The following ST18 variants were observed in gnomAD, a reference collection of about 807,000 sequenced individuals.
The protein encoded by ST18 is ST18 C2H2C-type zinc finger transcription factor.
ST18 carries 50 observed loss-of-function variants against 110.0 expected under a neutral mutation model. The observed-to-expected ratio is 0.45, with a 90% CI of 0.36 to 0.58. The LOEUF is 0.58. Ranked by LOEUF, ST18 falls within the 20% of genes least tolerant of loss-of-function variation. The probability of loss-of-function intolerance (pLI) is 0.00; values close to 1 mark genes in which losing one functional copy is unlikely to be tolerated. For synonymous variants in ST18, 461 were observed against 452.4 expected (o/e 1.02, Z -0.24); for missense variants, 1,306 against 1,280.1 (o/e 1.02, Z -0.31).
intron 24 of ST18, among the ~76,000 whole-genome samples, chr8:52,116,653 C>T (rs1045058123): frequency 6.6e-6 from 1 of 152,346 alleles, no homozygotes. Context: ...AACTTCTCCA[C>T]ATGGCTGTAT....
chr8:52,364,052 G>T (rs1826846463), intron 2 of ST18, among the ~76,000 whole-genome samples: 1 of 152,054 alleles, frequency 6.6e-6, no homozygotes, highest in Admixed American at 6.6e-5. Flanking sequence ...CAGTTCTAGG[G>T]GTACTTTCCT....
chr8:52,181,976 CTG>C, intron 8 of ST18, among the ~76,000 whole-genome samples: 1 of 152,042 alleles, frequency 6.6e-6, no homozygotes, highest in East Asian at 1.9e-4. Context: ...AGTATAATAA[CTG>C]TGTCAGTGTA....
chr8:52,406,868 A>G (rs1243194239), intron 2 of ST18: 5 of 152,226 alleles, frequency 3.3e-5, no homozygotes, highest in African/African-American at 1.2e-4. Flanking sequence ...AAAGATCTGA[A>G]GTTAACAGGA....
intron 2 of ST18, among the ~76,000 whole-genome samples, chr8:52,253,547 T>C (rs2094417870): frequency 2.6e-5 from 4 of 152,140 alleles, no homozygotes; most frequent in Admixed American, 6.6e-5. Flanking sequence ...TCAATTTAAA[T>C]TTCCTGGGGA....
intron 2 of ST18, among the ~76,000 whole-genome samples, chr8:52,336,335 G>C (rs369277090): frequency 2.6e-5 from 4 of 152,088 alleles, no homozygotes; most frequent in African/African-American, 9.7e-5. Context: ...ATTTGCAGTA[G>C]AGATGGGGTT....
At chr8:52,213,145 T>A (rs1039444680) in intron 7 of ST18, among the ~76,000 whole-genome samples, 1 of 152,292 alleles carries the variant, frequency 6.6e-6, no homozygotes, top group African/African-American at 2.4e-5. Context: ...TAATACAGTA[T>A]AAAATTTCTG....
Position 52,166,998 on chromosome 8 carries a change from T to C in ST18, c.1070-12A>G. 17 of 1,597,044 alleles carry C rather than the reference T, an allele frequency of 1.1e-5. No individual in the cohort carries two copies. The highest frequency in any genetic ancestry group is 1.5e-5 in the Non-Finnish European group (17 of 1,168,262). ...AGGCCTTGGTGAATCTATGGAGAAA[T>C]TCAATTGAGAAATGCATTTGGTTAT... On this transcript the variant is annotated splice_polypyrimidine_tract_variant and intron_variant, in intron 10 of 25. Transcript: ENST00000689386.
At chr8:52,261,257 T>C (rs1381099366) in intron 2 of ST18, among the ~76,000 whole-genome samples, 1 of 152,158 alleles carries the variant, frequency 6.6e-6, no homozygotes, top group African/African-American at 2.4e-5. Flanking sequence ...TGAACAGACA[T>C]CATGACCAGG....
intron 16 of ST18, among the ~76,000 whole-genome samples, chr8:52,146,696 A>T (rs1276495818): frequency 6.6e-6 from 1 of 152,172 alleles, no homozygotes; most frequent in Non-Finnish European, 1.5e-5. Flanking sequence ...CATTTAATAC[A>T]ATCTAATTTT....
intron 9 of ST18, among the ~76,000 whole-genome samples, chr8:52,178,636 AAAAAAAACCACC>A (rs1385162210): frequency 3.0e-5 from 4 of 132,382 alleles, no homozygotes; most frequent in African/African-American, 1.3e-4. Flanking sequence ...AAAAAAAAAA[AAAAAAAACCACC>A]AAAAACCAAA....
At chr8:52,176,972 T>C (rs1404393025) in intron 9 of ST18, among the ~76,000 whole-genome samples, 1 of 152,232 alleles carries the variant, frequency 6.6e-6, no homozygotes, top group Non-Finnish European at 1.5e-5. Context: ...CAGAGTGGTT[T>C]ATCCCTTATT....
At position 52,118,317 on chromosome 8, in the gene ST18, T is replaced by C. The variant is rs762718413; in HGVS notation, c.2859+21A>G. 1.1e-5 allele frequency: 16 copies of C among 1,495,654 alleles called. No individual in the cohort carries two copies. The South Asian group carries it at 1.4e-4, about 13-fold the overall frequency. The allele number at this position is 1,495,654 out of a possible 1,614,324, so 92.6% of individuals were successfully genotyped here. The stretch of plus-strand genomic sequence containing the variant: ...AAGATTATGATTACATTAAGGATCA[T>C]GAATTACTTCTTTTTTTTACCTGGG... On this transcript the variant is annotated intron_variant, in intron 24 of 25. Transcript: ENST00000689386.
At chr8:52,280,449 A>G (rs1175020794) in intron 2 of ST18, among the ~76,000 whole-genome samples, 1 of 152,062 alleles carries the variant, frequency 6.6e-6, no homozygotes, top group Non-Finnish European at 1.5e-5. Context: ...TATGCATGAC[A>G]TGTATATACA....
At chr8:52,365,363 C>T (rs1323477043) in intron 2 of ST18, among the ~76,000 whole-genome samples, 2 of 152,048 alleles carry the variant, frequency 1.3e-5, no homozygotes, top group Non-Finnish European at 2.9e-5. Context: ...TCGTCTCACA[C>T]TCAGTCACTG....
At chr8:52,268,102 T>G (rs924828321) in intron 2 of ST18, among the ~76,000 whole-genome samples, 1 of 152,228 alleles carries the variant, frequency 6.6e-6, no homozygotes, top group Non-Finnish European at 1.5e-5. Flanking sequence ...CTGAGAAATA[T>G]CAGAGAGCAT....
At chr8:52,152,838 A>G (rs1055156711) in intron 15 of ST18, among the ~76,000 whole-genome samples, 2 of 152,258 alleles carry the variant, frequency 1.3e-5, no homozygotes, top group Non-Finnish European at 2.9e-5. Flanking sequence ...AGAAATACTT[A>G]ATGAAAATAT....
At chr8:52,157,738 G>A (rs949266445) in intron 15 of ST18, among the ~76,000 whole-genome samples, 1 of 152,160 alleles carries the variant, frequency 6.6e-6, no homozygotes, top group African/African-American at 2.4e-5. Context: ...GGGTTTACTT[G>A]GCTCAGCTTT....
At chr8:52,274,474 T>C (rs1245672191) in intron 2 of ST18, among the ~76,000 whole-genome samples, 1 of 142,206 alleles carries the variant, frequency 7.0e-6, no homozygotes, top group Non-Finnish European at 1.5e-5. Context: ...ATTCCAGTAA[T>C]GAGTGTAACA....
intron 2 of ST18, among the ~76,000 whole-genome samples, chr8:52,389,697 G>A (rs1838566893): frequency 1.3e-5 from 2 of 152,198 alleles, no homozygotes; most frequent in South Asian, 4.1e-4. Flanking sequence ...TGCGGAGTAA[G>A]GAGACTGCAG....
Sources: gnomAD v4.1 joint callset for allele counts (sites outside exome capture counted in the v4.1 genomes callset) on GRCh38, gnomAD v4.1.1 for gene constraint, MANE v1.5 for transcripts, NCBI Gene and HGNC (gene_info 2026-07-23, HGNC 2026-07-21) for gene names.